LRSAM1: variants seen among roughly 807,000 people sequenced by gnomAD.
LRSAM1 encodes E3 ubiquitin-protein ligase LRSAM1.
In LRSAM1, 96 loss-of-function variants were observed where a neutral mutation model predicts 118.1. That is an observed-to-expected ratio of 0.81 (90% CI 0.69 to 0.96). The LOEUF (loss-of-function observed/expected upper bound fraction) is 0.96, where lower values mean the gene tolerates loss of function less well. LRSAM1 is among the 40% of genes least tolerant of loss of function. The pLI is 0.00. For missense variants in LRSAM1, 804 were observed against 915.5 expected, an observed-to-expected ratio of 0.88 and a Z score of 1.57; for synonymous variants, 322 against 364.2, an observed-to-expected ratio of 0.88 and a Z score of 1.32.
chr9:127,491,074 C>G, intron 19 of LRSAM1, 141 bp from the exon 20 acceptor site: 1 of 752,680 alleles, frequency 1.3e-6, no homozygotes, highest in Non-Finnish European at 2.4e-6. Context: ...TTCCCAGGCC[C>G]GCAGGTTCCC....
intron 2 of LRSAM1, 115 bp downstream of exon 2, chr9:127,452,199 C>T (rs1834348030): frequency 6.6e-6 from 1 of 152,378 alleles, no homozygotes; most frequent in Non-Finnish European, 1.5e-5. Context: ...AAGAACTGAT[C>T]TTCGGGGAGG....
intron 10 of LRSAM1, among the ~76,000 whole-genome samples, chr9:127,468,824 A>AC (rs1483736562): frequency 2.9e-4 from 42 of 147,352 alleles, no homozygotes; most frequent in Admixed American, 1.9e-3. Flanking sequence ...AAAAAAAAAA[A>AC]AAAAAAAAAA....
chr9:127,465,569 C>T lies in LRSAM1; in HGVS notation c.529-2171C>T, dbSNP rs1000230930. 3.9e-5 allele frequency among the ~76,000 whole-genome samples: 6 copies of T among 152,172 alleles called. No homozygotes were observed. Among genetic ancestry groups the T allele is most frequent in the South Asian group, 2.1e-4 (1 of 4,830 alleles). On this transcript the variant is annotated intron_variant, in intron 9 of 25. Transcript: ENST00000300417. This position sits in a 1 kb window ranked among gnomAD's most constrained non-coding sequence, Gnocchi z 4.1. ...TGCTGTTGGGCCCTCAGCATCTGGG[C>T]GGTCAGTTCCTCTTCCCTGGGGCAG...
In LRSAM1 at chr9:127,459,088, A is replaced by AGAAACC. The variant is rs1409793712; in HGVS notation, c.321+18_321+23dup. The AGAAACC allele has an allele frequency of 6.2e-7, 1 of 1,612,842 alleles. No homozygotes were observed. Among genetic ancestry groups the AGAAACC allele is most frequent in the Non-Finnish European group, 8.5e-7 (1 of 1,179,834 alleles). ...GCCCTCCAGGTAAGGCTGCAGAAAC[A>AGAAACC]GAAACCCACCTCGGATGGCCTTAGT... On this transcript the variant is annotated intron_variant, in intron 7 of 25. Transcript: ENST00000300417.
chr9:127,469,952 A>G (rs1319819845), intron 10 of LRSAM1, among the ~76,000 whole-genome samples: 7 of 152,164 alleles, frequency 4.6e-5, no homozygotes, highest in Admixed American at 2.0e-4. Context: ...GATACAGAGC[A>G]AGACTCCATC....
At chr9:127,479,336 C>G in intron 12 of LRSAM1, 47 bp from the exon 13 acceptor site, 1 of 1,613,732 alleles carries the variant, frequency 6.2e-7, no homozygotes, top group Non-Finnish European at 8.5e-7. Context: ...TGTGTCCTAA[C>G]TCCCCCAGGG....
chr9:127,478,252 C>G (rs999838451), intron 11 of LRSAM1, among the ~76,000 whole-genome samples: 1 of 152,166 alleles, frequency 6.6e-6, no homozygotes, highest in Non-Finnish European at 1.5e-5. Context: ...CCTGCACTCC[C>G]GTTGCCTGGA....
Position 127,465,963 on chromosome 9 carries a change from C to T in LRSAM1, c.529-1777C>T, listed in dbSNP as rs1188706029. Among the ~76,000 whole-genome samples the T allele has an allele frequency of 6.6e-6, 1 of 151,650 alleles. No homozygotes were observed. The highest frequency in any genetic ancestry group is 1.5e-5 in the Non-Finnish European group (1 of 67,946). ...GTGCGCTGATAAACATTTGTCATTA[C>T]ATAATTTAAAAGTCATACTGTATAT... On this transcript the variant is annotated intron_variant, in intron 9 of 25. Coordinates refer to ENST00000300417, the MANE Select transcript of LRSAM1 (RefSeq NM_001005373.4). This position sits in a 1 kb window ranked among gnomAD's most constrained non-coding sequence, Gnocchi z 4.1.
intron 10 of LRSAM1, chr9:127,471,043 T>A (rs1372938662): frequency 6.6e-6 from 1 of 151,980 alleles, no homozygotes; most frequent in Admixed American, 6.6e-5. Context: ...TATTTTACTT[T>A]AAAAGAAAGT....
Position 127,462,343 on chromosome 9 carries a change from G to A in LRSAM1, c.498G>A (p.Pro166=), listed in dbSNP as rs140809697. Residue 166 remains proline (P), a synonymous_variant, in exon 9 of 26, where the codon CCG becomes CCA. Coordinates refer to ENST00000300417, the MANE Select transcript of LRSAM1 (RefSeq NM_001005373.4). ...GTGGAAACGAGATCCAGAGATTGCC[G>A]CAGATGCTGGCTCACGTTCGAACCC... ...NISGNEIQRL[P]QMLAHVRTLE... is the part of the protein sequence containing the mutation. The A allele has an allele frequency of 4.2e-5, 67 of 1,614,008 alleles. No homozygotes were observed. The highest frequency in any genetic ancestry group is 2.0e-4 in the South Asian group (18 of 91,064).
At chr9:127,460,073 C>T (rs894586320) in intron 7 of LRSAM1, among the ~76,000 whole-genome samples, 4 of 150,080 alleles carry the variant, frequency 2.7e-5, no homozygotes, top group Middle Eastern at 3.2e-3. Context: ...GATCTCGGCT[C>T]ACTGCAATCT....
chr9:127,458,926 C>A, intron 6 of LRSAM1, 77 bp from the exon 7 acceptor site: 1 of 1,457,722 alleles, frequency 6.9e-7, no homozygotes. Flanking sequence ...GTGGCCCCAG[C>A]CCCTCCTCAG....
Position 127,479,928 on chromosome 9 carries a change from G to A in LRSAM1, c.993G>A (p.Thr331=), listed in dbSNP as rs368674859. 81 of 1,614,046 alleles carry A rather than the reference G, an allele frequency of 5.0e-5. No homozygotes were observed. Among genetic ancestry groups the A allele is most frequent in the African/African-American group, 2.8e-4 (21 of 74,932 alleles). ...RQRLQEQLKQ[T]EQNISSRIQK... is the part of the protein sequence containing the mutation. ...GGCTGCAGGAGCAGCTGAAGCAGAC[G>A]GAACAGAACATTTCCAGCCGGATCC... Residue 331 remains threonine (T), a synonymous_variant, in exon 14 of 26, where the codon ACG becomes ACA. Coordinates refer to ENST00000300417, the MANE Select transcript of LRSAM1 (RefSeq NM_001005373.4).
At chr9:127,498,420 C>G (rs1836239073) in intron 24 of LRSAM1, among the ~76,000 whole-genome samples, 1 of 152,234 alleles carries the variant, frequency 6.6e-6, no homozygotes, top group Non-Finnish European at 1.5e-5. Flanking sequence ...CCCCGGCAGA[C>G]AAGCCTCACG....
chr9:127,497,093 G>T (rs1276833574), intron 23 of LRSAM1, among the ~76,000 whole-genome samples, 160 bp from the exon 24 acceptor site: 1 of 152,248 alleles, frequency 6.6e-6, no homozygotes, highest in Non-Finnish European at 1.5e-5. Flanking sequence ...GTGCCGCACT[G>T]CCTCATCCTG....
At chr9:127,492,992 GT>G in intron 21 of LRSAM1, 95 bp downstream of exon 21, 1 of 1,023,286 alleles carries the variant, frequency 9.8e-7, no homozygotes, top group Non-Finnish European at 1.5e-6. Context: ...TCAAGTAAGA[GT>G]TATTCATCAA....
intron 3 of LRSAM1, 38 bp from the exon 4 acceptor site, chr9:127,454,960 T>C (rs1015490953): frequency 5.6e-6 from 9 of 1,602,156 alleles, no homozygotes; most frequent in Non-Finnish European, 7.7e-6. Flanking sequence ...CAAAGGTGTT[T>C]TGTCTTAATA....
chr9:127,453,136 C>T (rs1834385425), intron 2 of LRSAM1, among the ~76,000 whole-genome samples: 1 of 152,174 alleles, frequency 6.6e-6, no homozygotes, highest in Non-Finnish European at 1.5e-5. Flanking sequence ...GGCTGGAGTG[C>T]AGTGGCATGA....
At chr9:127,470,452 G>A (rs895681399) in intron 10 of LRSAM1, among the ~76,000 whole-genome samples, 1 of 152,040 alleles carries the variant, frequency 6.6e-6, no homozygotes, top group Non-Finnish European at 1.5e-5. Flanking sequence ...ACGAGTTCCC[G>A]CCCCCAACAC....
Sources: gnomAD v4.1 joint callset for allele counts (sites outside exome capture counted in the v4.1 genomes callset) on GRCh38, gnomAD v4.1.1 for gene constraint, Gnocchi (gnomAD v3.1) non-coding constraint, MANE v1.5 for transcripts, NCBI Gene and HGNC (gene_info 2026-07-23, HGNC 2026-07-21) for gene names.